The following SPPL2B variants were observed in gnomAD, a reference collection of about 807,000 sequenced individuals.
SPPL2B encodes the protein signal peptide peptidase like 2B, also known as signal peptide peptidase-like 2B.
Under a neutral mutation model 59.7 loss-of-function variants are expected in SPPL2B, and 39 were observed. The ratio of observed to expected loss-of-function variants is 0.65; its 90% CI spans 0.51 to 0.85. SPPL2B has a LOEUF of 0.85. SPPL2B is among the 40% of genes least tolerant of loss of function. SPPL2B has a pLI of 0.00. For missense variants in SPPL2B, 865 were observed against 849.0 expected (o/e 1.02, Z -0.23); for synonymous variants, 419 against 370.8 (o/e 1.13, Z -1.49).
At position 2,353,278 on chromosome 19, in the gene SPPL2B, A is replaced by T; in HGVS notation, c.*69A>T. The T allele has an allele frequency of 9.8e-6, 14 of 1,432,314 alleles. No individual in the cohort carries two copies. The highest frequency in any genetic ancestry group is 1.3e-5 in the Non-Finnish European group (14 of 1,085,130). The allele number at this position is 1,432,314 out of a possible 1,614,324, so 88.7% of individuals were successfully genotyped here. A position where few individuals can be genotyped will look rare whatever the true frequency, so the allele number is the denominator to read the frequency against. ...GTTGGGGCTGCCTGGCGCCCACTGG[A>T]GACAGACAGACAGACGCCTGTCCCC... On this transcript the variant is annotated 3_prime_UTR_variant, in exon 15 of 15. Coordinates refer to ENST00000613503, the MANE Select transcript of SPPL2B (RefSeq NM_152988.3).
intron 5 of SPPL2B, 36 bp downstream of exon 5, chr19:2,339,244 C>G (rs376014845): frequency 6.3e-7 from 1 of 1,585,848 alleles, no homozygotes; most frequent in Non-Finnish European, 8.6e-7. Context: ...GTGACGGGGT[C>G]GGGCGGCTCT....
chr19:2,343,546 G>C (rs1055661658), intron 9 of SPPL2B, among the ~76,000 whole-genome samples: 1 of 152,182 alleles, frequency 6.6e-6, no homozygotes. Flanking sequence ...GTGGTGGTGA[G>C]AGTGGTTGAA....
At chr19:2,347,099 T>C (rs1251662546) in intron 13 of SPPL2B, among the ~76,000 whole-genome samples, 1 of 152,220 alleles carries the variant, frequency 6.6e-6, no homozygotes, top group African/African-American at 2.4e-5. Flanking sequence ...TTTCTTCACA[T>C]TCGCTTGATT....
At chr19:2,341,888 G>A (rs1043476464) in intron 8 of SPPL2B, 2 of 286,452 alleles carry the variant, frequency 7.0e-6, no homozygotes, top group Non-Finnish European at 1.4e-5. Context: ...ACTTTGCCCA[G>A]GAGTTCAAGA....
chr19:2,343,081 C>T (rs1969151141), intron 8 of SPPL2B, 130 bp from the exon 9 acceptor site: 7 of 721,916 alleles, frequency 9.7e-6, no homozygotes, highest in Admixed American at 8.4e-5. Context: ...AGAGTCATCC[C>T]CTGGGCAGGT....
rs1968809889 is a variant in SPPL2B at position 2,338,759 on chromosome 19, C to CG, written c.383dup (p.Asn129Ter). ...CCTCCTCTGGGCCCCCAGGTCCCCC[C>CG]GGGGGGTAATAAGACGCAGTATGAT... On this transcript the variant is annotated frameshift_variant, in exon 4 of 15. Transcript: ENST00000613503. LOFTEE classifies it high-confidence loss of function. The CG allele has an allele frequency of 6.2e-7, 1 of 1,611,202 alleles. No homozygotes were observed. The highest frequency in any genetic ancestry group is 8.5e-7 in the Non-Finnish European group (1 of 1,177,878).
At chr19:2,331,206 C>T (rs1473617574) in intron 1 of SPPL2B, among the ~76,000 whole-genome samples, 1 of 151,724 alleles carries the variant, frequency 6.6e-6, no homozygotes, top group Non-Finnish European at 1.5e-5. Context: ...CCTCAGTCTT[C>T]CCAGAAGGGA....
At chr19:2,334,340 G>A (rs1023654793) in intron 1 of SPPL2B, among the ~76,000 whole-genome samples, 3 of 152,254 alleles carry the variant, frequency 2.0e-5, no homozygotes, top group Non-Finnish European at 4.4e-5. Flanking sequence ...AAACTCGGGA[G>A]CCACAAAGGG....
chr19:2,353,104 GATGGGGGCTGGAGCCCCC>G lies in SPPL2B; in HGVS notation c.1678_1695del (p.Gly560_Met565del). 15 of 1,611,176 alleles carry G rather than the reference GATGGGGGCTGGAGCCCCC, an allele frequency of 9.3e-6. No individual in the cohort carries two copies. Among genetic ancestry groups the G allele is most frequent in the Non-Finnish European group, 1.3e-5 (15 of 1,179,374 alleles). On this transcript the variant is annotated inframe_deletion, in exon 15 of 15. Coordinates refer to ENST00000613503, the MANE Select transcript of SPPL2B (RefSeq NM_152988.3). ...CCCCAAAATCACGCACGTCCGAGGAGATGGGGGCTGGAGCCCCCATGCGGGAGCCTGGGAGCCCAGCTG... is the reference window on the plus strand; with the variant it reads ...CCCCAAAATCACGCACGTCCGAGGAGATGCGGGAGCCTGGGAGCCCAGCTG...
At chr19:2,349,735 TTCTC>T (rs1455918430) in intron 13 of SPPL2B, among the ~76,000 whole-genome samples, 5 of 130,512 alleles carry the variant, frequency 3.8e-5, no homozygotes, top group African/African-American at 9.7e-5. Flanking sequence ...CTTGATTCCG[TTCTC>T]TCTCTCCACA....
At chr19:2,336,977 C>CGT (rs917396494) in intron 2 of SPPL2B, 3 of 130,610 alleles carry the variant, frequency 2.3e-5, no homozygotes, top group Non-Finnish European at 4.8e-5. Flanking sequence ...TGTGTGTGCG[C>CGT]GTGTTCCGGC....
Position 2,340,934 on chromosome 19 carries a change from C to T in SPPL2B, c.876C>T (p.Arg292=), listed in dbSNP as rs748780876. Reference sequence around the variant, plus strand: ...ACAGCCTGCCCTACTTCCACAAGCGCCCGCAGGCCCGTATGCTGCTCCTGG... The same window carrying T: ...ACAGCCTGCCCTACTTCCACAAGCGTCCGCAGGCCCGTATGCTGCTCCTGG... ...PNNSLPYFHK[R]PQARMLLLAL... is the part of the protein sequence containing the mutation. The change falls in exon 8 of 15, where the codon CGC becomes CGT. Residue 292 remains arginine, a synonymous_variant. Transcript: ENST00000613503. 1.2e-6 allele frequency: 2 copies of T among 1,601,596 alleles called. No individual in the cohort carries two copies. Among genetic ancestry groups the T allele is most frequent in the South Asian group, 2.2e-5 (2 of 90,932 alleles).
At chr19:2,336,304 G>A (rs1172913925) in intron 2 of SPPL2B, among the ~76,000 whole-genome samples, 1 of 152,108 alleles carries the variant, frequency 6.6e-6, no homozygotes, top group Non-Finnish European at 1.5e-5. Flanking sequence ...GTGCAGGTGT[G>A]TGTAAGCATG....
chr19:2,352,493 C>T (rs950570038), intron 14 of SPPL2B, among the ~76,000 whole-genome samples: 3 of 152,146 alleles, frequency 2.0e-5, no homozygotes, highest in Non-Finnish European at 2.9e-5. Flanking sequence ...TGCATTGGGT[C>T]GAGCTGTGGT....
Position 2,349,756 on chromosome 19 carries a change from C to T in SPPL2B, c.1355-1678C>T, listed in dbSNP as rs549327769. ...TCCGTTCTCTCTCTCCACACACATG[C>T]GCTCTCATTTGCTTGATTCCGTTCT... On this transcript the variant is annotated intron_variant, in intron 13 of 14. Coordinates refer to ENST00000613503, the MANE Select transcript of SPPL2B (RefSeq NM_152988.3). Among the ~76,000 whole-genome samples the T allele has an allele frequency of 3.5e-5, 5 of 143,050 alleles. No homozygotes were observed. The South Asian group carries it at 6.6e-4, about 19-fold the overall frequency. The allele number at this position is 143,050 out of a possible 152,430, so 93.8% of individuals were successfully genotyped here.
intron 13 of SPPL2B, 45 bp downstream of exon 13, chr19:2,345,375 C>T (rs1287932667): frequency 1.3e-6 from 2 of 1,541,120 alleles, no homozygotes; most frequent in Admixed American, 1.7e-5. Context: ...TGGCTCCAGC[C>T]CCACCCCGAC....
chr19:2,335,948 C>T (rs150012949), intron 2 of SPPL2B, among the ~76,000 whole-genome samples: 82 of 152,268 alleles, frequency 5.4e-4, no homozygotes, highest in South Asian at 1.5e-3. Flanking sequence ...TGTATGTGTG[C>T]ATGTGCCTGA....
At chr19:2,341,127 T>A in intron 8 of SPPL2B, 113 bp downstream of exon 8, 1 of 779,906 alleles carries the variant, frequency 1.3e-6, no homozygotes, top group Non-Finnish European at 2.2e-6. Flanking sequence ...CTGGAGCTGC[T>A]TCAGCACCGC....
intron 13 of SPPL2B, among the ~76,000 whole-genome samples, chr19:2,347,211 C>T (rs921408966): frequency 6.9e-6 from 1 of 144,812 alleles, no homozygotes; most frequent in Admixed American, 6.9e-5. Context: ...CGTTCTCTCC[C>T]TCCACACACA....
Sources: allele counts gnomAD v4.1 joint callset (sites outside exome capture counted in the v4.1 genomes callset), GRCh38; gene constraint gnomAD v4.1.1; transcripts MANE v1.5; gene names NCBI Gene and HGNC (gene_info 2026-07-23, HGNC 2026-07-21).